The following ENAH variants were observed in gnomAD, a reference collection of about 807,000 sequenced individuals.
The protein encoded by ENAH is ENAH actin regulator, also known as protein enabled homolog.
A neutral mutation model predicts 78.7 loss-of-function variants in ENAH; 23 were observed. That is an observed-to-expected ratio of 0.29 (90% confidence interval 0.21 to 0.41). The LOEUF (loss-of-function observed/expected upper bound fraction) is 0.41, where lower values mean the gene tolerates loss of function less well. ENAH is among the 10% of genes least tolerant of loss of function. The pLI is 1.00. For synonymous variants in ENAH, 226 were observed against 241.0 expected (o/e 0.94, Z 0.58); for missense variants, 544 against 691.0 (o/e 0.79, Z 2.39).
chr1:225,503,658 CAAAAAAAA>C (rs10683254), intron 11 of ENAH, among the ~76,000 whole-genome samples: 4 of 82,948 alleles, frequency 4.8e-5, no homozygotes, highest in Admixed American at 1.5e-4. Context: ...CAAACCACCT[CAAAAAAAA>C]AAAAAAAAAA....
At chr1:225,521,956 C>T (rs961994905) in intron 4 of ENAH, among the ~76,000 whole-genome samples, 3 of 151,998 alleles carry the variant, frequency 2.0e-5, no homozygotes, top group African/African-American at 4.8e-5. Flanking sequence ...CCACCATGCC[C>T]GGCTAATTTT....
intron 1 of ENAH, among the ~76,000 whole-genome samples, chr1:225,634,793 T>C (rs1285447779): frequency 1.3e-5 from 2 of 152,242 alleles, no homozygotes; most frequent in Admixed American, 1.3e-4. Context: ...GTCCTTACTA[T>C]GCCTTACTAT....
rs537767405 is a variant in ENAH at position 225,633,841 on chromosome 1, A to C, written c.5+18845T>G. 1.3e-4 allele frequency among the ~76,000 whole-genome samples: 20 copies of C among 152,252 alleles called. 1 individual carries two copies. The South Asian group carries it at 4.1e-3, about 32-fold the overall frequency. Reference sequence around the variant, plus strand: ...CATTACCCAAAGGTTAGCCTCAGAGATGCTCTGGTCTGTGGCGAAGGACTT... The same window carrying C: ...CATTACCCAAAGGTTAGCCTCAGAGCTGCTCTGGTCTGTGGCGAAGGACTT... On this transcript the variant is annotated intron_variant, in intron 1 of 13. Coordinates refer to ENST00000366843, the MANE Select transcript of ENAH (RefSeq NM_018212.6).
At chr1:225,531,994 T>C (rs2096540069) in intron 3 of ENAH, among the ~76,000 whole-genome samples, 1 of 150,976 alleles carries the variant, frequency 6.6e-6, no homozygotes, top group African/African-American at 2.4e-5. Flanking sequence ...GAGAACCAAA[T>C]AAATATTATA....
Position 225,520,922 on chromosome 1 carries a change from AAGGGAGGGAGGGAGGGAGGGAGGG to A in ENAH, c.435-1381_435-1358del, listed in dbSNP as rs68163613. ...AGAAAAAGAAGGGAAGGAAGGGAGG[AAGGGAGGGAGGGAGGGAGGGAGGG>A]AGGGAGGGAGGGAGGGAGGGAGGGA... On this transcript the variant is annotated intron_variant, in intron 4 of 13. Coordinates refer to ENST00000366843, the MANE Select transcript of ENAH (RefSeq NM_018212.6). 6.9e-3 allele frequency among the ~76,000 whole-genome samples: 421 copies of A among 60,908 alleles called. 6 individuals carry two copies. Among genetic ancestry groups the A allele is most frequent in the African/African-American group, 0.011 (119 of 10,844 alleles). 40.0% of individuals were successfully genotyped at this position (60,908 alleles called of 152,430 possible). A position where few individuals can be genotyped will look rare whatever the true frequency, so the allele number is the denominator to read the frequency against.
At chr1:225,563,805 C>T (rs1175533787) in intron 2 of ENAH, among the ~76,000 whole-genome samples, 1 of 152,156 alleles carries the variant, frequency 6.6e-6, no homozygotes, top group Admixed American at 6.5e-5. Flanking sequence ...TCATTCTCTA[C>T]AATGGTTGCA....
chr1:225,586,591 G>A (rs2096848242), intron 1 of ENAH, among the ~76,000 whole-genome samples: 1 of 152,092 alleles, frequency 6.6e-6, no homozygotes. Flanking sequence ...TAACAAAATA[G>A]TATCAAAGTT....
chr1:225,571,389 A>G (rs1185858068), intron 1 of ENAH, among the ~76,000 whole-genome samples: 1 of 151,786 alleles, frequency 6.6e-6, no homozygotes, highest in African/African-American at 2.4e-5. Context: ...AAAGAAAAAA[A>G]AGAAAGAAAA....
chr1:225,556,490 T>C (rs2096667453), intron 2 of ENAH, among the ~76,000 whole-genome samples: 1 of 152,188 alleles, frequency 6.6e-6, no homozygotes, highest in African/African-American at 2.4e-5. Context: ...TTTTTGTGAA[T>C]ATCTGCTTGA....
At chr1:225,522,240 G>C (rs1041984119) in intron 4 of ENAH, among the ~76,000 whole-genome samples, 2 of 152,176 alleles carry the variant, frequency 1.3e-5, no homozygotes, top group Non-Finnish European at 2.9e-5. Context: ...ACACCAGTAA[G>C]ATCTTTCCAA....
intron 1 of ENAH, among the ~76,000 whole-genome samples, chr1:225,576,097 C>CCA (rs1361376222): frequency 3.3e-5 from 5 of 151,688 alleles, no homozygotes; most frequent in African/African-American, 1.2e-4. Flanking sequence ...AGCAAGACCC[C>CCA]CACCTCTACA....
chr1:225,569,991 A>C (rs1364301206), intron 1 of ENAH, among the ~76,000 whole-genome samples: 1 of 151,962 alleles, frequency 6.6e-6, no homozygotes, highest in Non-Finnish European at 1.5e-5. Flanking sequence ...GGATCACCTG[A>C]GTTTAGGAAT....
intron 1 of ENAH, among the ~76,000 whole-genome samples, chr1:225,635,023 T>C (rs1424801758): frequency 6.6e-6 from 1 of 152,222 alleles, no homozygotes; most frequent in African/African-American, 2.4e-5. Context: ...CAATATCAAG[T>C]CTTATCAACT....
intron 2 of ENAH, among the ~76,000 whole-genome samples, chr1:225,558,534 C>G (rs998488730): frequency 6.7e-6 from 1 of 149,310 alleles, no homozygotes; most frequent in Non-Finnish European, 1.5e-5. Flanking sequence ...AATGGTTAAA[C>G]CATTTTTTTT....
chr1:225,653,414 A>T (rs372074272), upstream of ENAH, among the ~76,000 whole-genome samples: 71 of 101,874 alleles, frequency 7.0e-4, 2 homozygotes, highest in East Asian at 0.021. The surrounding 1 kb of genome is among the most constrained non-coding windows in gnomAD (Gnocchi z 4.3). Context: ...GCGGGCCACC[A>T]CCCCCCCCTC....
intron 2 of ENAH, among the ~76,000 whole-genome samples, chr1:225,565,939 G>A (rs540741305): frequency 1.2e-4 from 19 of 152,270 alleles, no homozygotes; most frequent in African/African-American, 3.4e-4. Context: ...GGCCGAAACC[G>A]TCTGTATAAA....
chr1:225,579,562 T>C (rs1558848734), intron 1 of ENAH, among the ~76,000 whole-genome samples: 2 of 152,158 alleles, frequency 1.3e-5, no homozygotes, highest in Non-Finnish European at 2.9e-5. Flanking sequence ...GTGGGAAACA[T>C]TTTAGACATC....
At position 225,547,032 on chromosome 1, in the gene ENAH, T is replaced by G. The variant is rs186513083; in HGVS notation, c.349+7874A>C. ...CATTATATTCAAACATATATGATACTTTCCCGGAGACATCTATTATTTGTT... is the reference window on the plus strand; with the variant it reads ...CATTATATTCAAACATATATGATACGTTCCCGGAGACATCTATTATTTGTT... On this transcript the variant is annotated intron_variant, in intron 3 of 13. Coordinates refer to ENST00000366843, the MANE Select transcript of ENAH (RefSeq NM_018212.6). 9.2e-5 allele frequency among the ~76,000 whole-genome samples: 14 copies of G among 152,256 alleles called. No homozygotes were observed. In the East Asian group the frequency reaches 2.5e-3, roughly 27 times the overall value.
chr1:225,551,262 A>G (rs1328631630), intron 3 of ENAH, among the ~76,000 whole-genome samples: 1 of 152,192 alleles, frequency 6.6e-6, no homozygotes, highest in East Asian at 1.9e-4. Context: ...ACTTTCCAGT[A>G]TATTAGATAA....
Sources: allele counts gnomAD v4.1 joint callset (sites outside exome capture counted in the v4.1 genomes callset), GRCh38; gene constraint gnomAD v4.1.1; non-coding constraint Gnocchi (gnomAD v3.1); transcripts MANE v1.5; gene names NCBI Gene and HGNC (gene_info 2026-07-23, HGNC 2026-07-21).